Variants in CEP83 observed in about 807,000 individuals in gnomAD.
The protein encoded by CEP83 is centrosomal protein of 83 kDa.
Under a neutral mutation model 101.9 loss-of-function variants are expected in CEP83, and 70 were observed. The ratio of observed to expected loss-of-function variants is 0.69; its 90% CI spans 0.57 to 0.84. The LOEUF is 0.84. CEP83 is among the 40% of genes least tolerant of loss of function. The pLI is 0.00. For missense variants in CEP83, 715 were observed against 787.2 expected (o/e 0.91, Z 1.10); for synonymous variants, 264 against 267.9 (o/e 0.99, Z 0.14).
At chr12:94,300,867 T>G in the CEP83 span, 1 of 1,578,494 alleles carries the variant, frequency 6.3e-7, no homozygotes, top group East Asian at 2.3e-5. Flanking sequence ...ATTGGCTTCA[T>G]GAATGGCCCT....
chr12:94,270,855 A>G, the CEP83 span, among the ~76,000 whole-genome samples: 1 of 151,916 alleles, frequency 6.6e-6, no homozygotes, highest in Admixed American at 6.6e-5. Flanking sequence ...TGATCCAGGA[A>G]GCTGTGATTT....
At chr12:94,276,362 C>G in the CEP83 span, among the ~76,000 whole-genome samples, 6 of 152,092 alleles carry the variant, frequency 3.9e-5, no homozygotes, top group African/African-American at 1.4e-4. Context: ...GACCCCTTCA[C>G]ACCCACCCCT....
At chr12:94,355,632 T>A (rs1426166548) in intron 11 of CEP83, among the ~76,000 whole-genome samples, 3 of 152,122 alleles carry the variant, frequency 2.0e-5, no homozygotes, top group African/African-American at 7.2e-5. Flanking sequence ...GCCCCAAAAC[T>A]GGCCATAAAT....
the CEP83 span, among the ~76,000 whole-genome samples, chr12:94,291,682 C>T: frequency 6.6e-5 from 10 of 152,230 alleles, no homozygotes; most frequent in Non-Finnish European, 1.2e-4. Flanking sequence ...CATTAACAGT[C>T]ACTCCTTATT....
At chr12:94,279,483 C>T in the CEP83 span, 5 of 1,613,082 alleles carry the variant, frequency 3.1e-6, no homozygotes, top group South Asian at 1.1e-5. Context: ...CATTAAACGT[C>T]GTCTTTGAAA....
intron 11 of CEP83, among the ~76,000 whole-genome samples, chr12:94,359,411 G>T (rs1476934575): frequency 1.3e-5 from 2 of 152,088 alleles, no homozygotes; most frequent in South Asian, 4.1e-4. Context: ...AAAGTGAGAA[G>T]ACCCAAATAA....
intron 14 of CEP83, among the ~76,000 whole-genome samples, chr12:94,327,582 T>C (rs1352499370): frequency 6.6e-6 from 1 of 152,214 alleles, no homozygotes; most frequent in East Asian, 1.9e-4. Context: ...TCATTTCCTA[T>C]CTGACATGTG....
chr12:94,277,297 AG>A, the CEP83 span: 4 of 152,748 alleles, frequency 2.6e-5, no homozygotes, highest in African/African-American at 9.7e-5. Context: ...TCCCCTCCAA[AG>A]GCCCCACCTC....
intron 9 of CEP83, 46 bp from the exon 10 acceptor site, chr12:94,368,247 A>G (rs1250367921): frequency 7.5e-6 from 11 of 1,474,604 alleles, no homozygotes; most frequent in Middle Eastern, 1.9e-4. Context: ...AATGTTATTA[A>G]GATGAAAAAT....
chr12:94,304,262 C>T, downstream of CEP83: 2 of 431,684 alleles, frequency 4.6e-6, no homozygotes, highest in East Asian at 7.1e-5. Context: ...ACATTTGGAC[C>T]AGCCTGAATT....
At chr12:94,284,895 G>A in the CEP83 span, among the ~76,000 whole-genome samples, 1 of 152,236 alleles carries the variant, frequency 6.6e-6, no homozygotes, top group African/African-American at 2.4e-5. Context: ...CAGAAAATGA[G>A]TGGGGCTGTG....
chr12:94,411,776 T>C lies in CEP83; in HGVS notation c.245A>G (p.Glu82Gly), dbSNP rs757360994. Residue 82 changes from glutamate to glycine, a missense_variant, in exon 4 of 17, where the codon GAA becomes GGA. Physicochemically the swap from Glu to Gly is moderately conservative, Grantham distance 98 (BLOSUM62 -2). Coordinates refer to ENST00000397809, the MANE Select transcript of CEP83 (RefSeq NM_016122.3). ...TTCTTCAAGCAGGAGCTGAAGTTTT[T>C]CCTGCTGAGTTTGCTTTTCATTAAA... Reference protein sequence around the residue: ...HLFNEKQTQQEKLQLLLEELR... With the variant: ...HLFNEKQTQQGKLQLLLEELR... 1 of 1,613,022 alleles carries C rather than the reference T, an allele frequency of 6.2e-7. No individual in the cohort carries two copies. Among genetic ancestry groups the C allele is most frequent in the Admixed American group, 1.7e-5 (1 of 59,982 alleles).
the CEP83 span, chr12:94,282,532 A>T: frequency 1.6e-6 from 1 of 643,990 alleles, no homozygotes; most frequent in South Asian, 1.9e-5. Context: ...TCTGGGGCTG[A>T]AGTTTTCTTT....
At chr12:94,378,697 G>A (rs1000649026) in intron 7 of CEP83, 94 bp downstream of exon 7, 1 of 1,312,314 alleles carries the variant, frequency 7.6e-7, no homozygotes, top group African/African-American at 1.5e-5. Context: ...CATTAGCTTG[G>A]GGGGCATACA....
intron 6 of CEP83, among the ~76,000 whole-genome samples, chr12:94,394,771 AC>A (rs898667395): frequency 9.9e-5 from 15 of 152,246 alleles, no homozygotes; most frequent in African/African-American, 3.6e-4. Flanking sequence ...ACTCAAAGTT[AC>A]AAGAAAAAAA....
intron 11 of CEP83, among the ~76,000 whole-genome samples, chr12:94,358,752 G>A (rs1384572991): frequency 6.6e-6 from 1 of 152,208 alleles, no homozygotes; most frequent in Admixed American, 6.5e-5. Context: ...ATTCCTGCAA[G>A]AAGTAGCTCA....
At position 94,308,960 on chromosome 12, in the gene CEP83, A is replaced by G. The variant is rs372449642; in HGVS notation, c.2002-43T>C. The G allele has an allele frequency of 5.7e-6, 8 of 1,411,978 alleles. No homozygotes were observed. The South Asian group carries it at 8.1e-5, about 14-fold the overall frequency. 87.5% of individuals were successfully genotyped at this position (1,411,978 alleles called of 1,614,324 possible). Reference sequence around the variant, plus strand: ...AAAGCATAGCAAAAGAAACTATTAGAAAAACTGTTAGGTAGCAACCTTGGA... The same window carrying G: ...AAAGCATAGCAAAAGAAACTATTAGGAAAACTGTTAGGTAGCAACCTTGGA... On this transcript the variant is annotated intron_variant, in intron 16 of 16. Transcript: ENST00000397809.
chr12:94,450,719 G>C (rs1363642517), intron 1 of CEP83, among the ~76,000 whole-genome samples: 1 of 152,188 alleles, frequency 6.6e-6, no homozygotes, highest in Non-Finnish European at 1.5e-5. Context: ...AAAGATCTAA[G>C]TAAATGGAGA....
chr12:94,292,535 A>T, the CEP83 span, among the ~76,000 whole-genome samples: 1 of 152,242 alleles, frequency 6.6e-6, no homozygotes, highest in Non-Finnish European at 1.5e-5. Context: ...CACAGGTTGA[A>T]TATCCCTTAT....
Sources: allele counts gnomAD v4.1 joint callset (sites outside exome capture counted in the v4.1 genomes callset), GRCh38; gene constraint gnomAD v4.1.1; transcripts MANE v1.5; gene names NCBI Gene and HGNC (gene_info 2026-07-23, HGNC 2026-07-21).